Variants in SCAPER observed in about 807,000 individuals in gnomAD.
SCAPER encodes the protein S-phase cyclin A associated protein in the ER.
A neutral mutation model predicts 182.2 loss-of-function variants in SCAPER; 98 were observed. That is an observed-to-expected ratio of 0.54 (90% confidence interval 0.46 to 0.64). The LOEUF (loss-of-function observed/expected upper bound fraction) is 0.64, where lower values mean the gene tolerates loss of function less well. SCAPER is among the 30% of genes least tolerant of loss of function. SCAPER has a pLI of 0.00. For synonymous variants in SCAPER, 605 were observed against 564.6 expected, an observed-to-expected ratio of 1.07 and a Z score of -1.01; for missense variants, 1,432 against 1,690.0, an observed-to-expected ratio of 0.85 and a Z score of 2.68.
chr15:76,507,501 G>A (rs1326335347), intron 23 of SCAPER, among the ~76,000 whole-genome samples: 1 of 152,026 alleles, frequency 6.6e-6, no homozygotes, highest in Non-Finnish European at 1.5e-5. Context: ...GCCTTGAAAC[G>A]CTGAAATACT....
At chr15:76,892,133 G>A (rs1489478873) in intron 1 of SCAPER, among the ~76,000 whole-genome samples, 3 of 152,172 alleles carry the variant, frequency 2.0e-5, no homozygotes, top group African/African-American at 4.8e-5. Flanking sequence ...GCAGAAAGCT[G>A]AAAGTGGACC....
chr15:76,558,533 G>A (rs1291025237), intron 23 of SCAPER, among the ~76,000 whole-genome samples: 1 of 152,182 alleles, frequency 6.6e-6, no homozygotes, highest in African/African-American at 2.4e-5. Flanking sequence ...AACAGATGCT[G>A]GTGAAGTTGT....
At chr15:76,697,821 G>A (rs1472687259) in intron 20 of SCAPER, among the ~76,000 whole-genome samples, 1 of 151,970 alleles carries the variant, frequency 6.6e-6, no homozygotes, top group Non-Finnish European at 1.5e-5. Context: ...TGTATATTTA[G>A]TAGAGACAGG....
intron 14 of SCAPER, among the ~76,000 whole-genome samples, chr15:76,760,134 T>A (rs1462620164): frequency 6.6e-6 from 1 of 152,186 alleles, no homozygotes; most frequent in Non-Finnish European, 1.5e-5. Context: ...TTCAATCCAA[T>A]TCTGACATTA....
chr15:76,458,891 C>CTTAT (rs572920121), intron 25 of SCAPER, among the ~76,000 whole-genome samples: 4 of 151,810 alleles, frequency 2.6e-5, no homozygotes, highest in African/African-American at 4.8e-5. Context: ...ATACGATCAA[C>CTTAT]TTATTTATTT....
In SCAPER at chr15:76,673,608, C is replaced by CACACACAT. The variant is rs140306152; in HGVS notation, c.2509-7827_2509-7820dup. Among the ~76,000 whole-genome samples, 151 of 152,196 alleles carry CACACACAT rather than the reference C, an allele frequency of 9.9e-4. 2 individuals are homozygous for CACACACAT. The highest frequency in any genetic ancestry group is 3.6e-3 in the African/African-American group (148 of 41,562). ...TGCAATGCAGAGGAGGCTGAACAGA[C>CACACACAT]ACACACATATACACGTATTTCATTT... On this transcript the variant is annotated intron_variant, in intron 20 of 31. Coordinates refer to ENST00000563290, the MANE Select transcript of SCAPER (RefSeq NM_020843.4).
At chr15:76,488,138 C>T (rs1430026593) in intron 24 of SCAPER, among the ~76,000 whole-genome samples, 1 of 151,940 alleles carries the variant, frequency 6.6e-6, no homozygotes, top group African/African-American at 2.4e-5. Flanking sequence ...TATAACAGCT[C>T]AAGATAAAAT....
At chr15:76,490,894 T>A (rs1410640029) in intron 24 of SCAPER, among the ~76,000 whole-genome samples, 1 of 152,178 alleles carries the variant, frequency 6.6e-6, no homozygotes, top group Non-Finnish European at 1.5e-5. Context: ...TTGAAGATTA[T>A]CCTTCCTGTG....
intron 20 of SCAPER, among the ~76,000 whole-genome samples, chr15:76,673,256 C>T (rs1048497953): frequency 4.6e-5 from 7 of 151,900 alleles, no homozygotes; most frequent in African/African-American, 1.7e-4. Flanking sequence ...GAGACATGGA[C>T]AAGGACTACT....
Position 76,596,085 on chromosome 15 carries a change from A to C in SCAPER, c.2712-21801T>G, listed in dbSNP as rs186628481. On this transcript the variant is annotated intron_variant, in intron 22 of 31. Transcript: ENST00000563290. ...GCCAGACTAATAAAGAAGAAAAGAGAGAAGAATCAAATAGGCACAATAAAC... is the reference window on the plus strand; with the variant it reads ...GCCAGACTAATAAAGAAGAAAAGAGCGAAGAATCAAATAGGCACAATAAAC... 8.2e-5 allele frequency among the ~76,000 whole-genome samples: 10 copies of C among 121,494 alleles called. 2 individuals are homozygous for C. The highest frequency in any genetic ancestry group is 1.3e-4 in the African/African-American group (5 of 39,834). The allele number at this position is 121,494 out of a possible 152,430, so 79.7% of individuals were successfully genotyped here.
intron 20 of SCAPER, among the ~76,000 whole-genome samples, chr15:76,687,113 T>C (rs1171849261): frequency 1.3e-5 from 2 of 152,168 alleles, no homozygotes; most frequent in Non-Finnish European, 2.9e-5. Flanking sequence ...ATAGCAAATA[T>C]TGATTTTAAA....
intron 17 of SCAPER, among the ~76,000 whole-genome samples, chr15:76,725,911 T>G (rs1420535366): frequency 6.6e-6 from 1 of 150,490 alleles, no homozygotes; most frequent in East Asian, 1.9e-4. Flanking sequence ...GGGAGAAAAC[T>G]TCACAACATT....
rs773511927 is a variant in SCAPER at position 76,800,354 on chromosome 15, A to G, written c.505T>C (p.Leu169=). ...GACATCTTCTTTACTTCCCATGCCAATGATGTTGGTCTGCGAATTCAATAT... is the reference window on the plus strand; with the variant it reads ...GACATCTTCTTTACTTCCCATGCCAGTGATGTTGGTCTGCGAATTCAATAT... The part of the protein sequence containing the change: ...KTDAQSRPTS[L]AWEVKKMSPG... Residue 169 remains leucine (L), a synonymous_variant, in exon 7 of 32, where the codon TTG becomes CTG. Coordinates refer to ENST00000563290, the MANE Select transcript of SCAPER (RefSeq NM_020843.4). The G allele has an allele frequency of 5.0e-6, 8 of 1,606,568 alleles. No individual in the cohort carries two copies. Among genetic ancestry groups the G allele is most frequent in the South Asian group, 2.2e-5 (2 of 90,724 alleles).
intron 8 of SCAPER, among the ~76,000 whole-genome samples, chr15:76,785,183 A>G (rs2064488102): frequency 6.6e-6 from 1 of 152,244 alleles, no homozygotes; most frequent in East Asian, 1.9e-4. Flanking sequence ...CAAATTTACA[A>G]GAAAAAAACA....
chr15:76,507,812 T>A (rs886829336), intron 23 of SCAPER, among the ~76,000 whole-genome samples: 4 of 152,186 alleles, frequency 2.6e-5, no homozygotes, highest in African/African-American at 9.6e-5. Flanking sequence ...GCAATAAAAC[T>A]AACAATCAAA....
intron 25 of SCAPER, among the ~76,000 whole-genome samples, chr15:76,441,421 G>A (rs1009561145): frequency 5.3e-5 from 8 of 152,036 alleles, no homozygotes; most frequent in South Asian, 2.1e-4. Context: ...AAAAGTCTTC[G>A]TTATACATGT....
chr15:76,844,473 A>G (rs1263105179), intron 4 of SCAPER, among the ~76,000 whole-genome samples: 1 of 152,120 alleles, frequency 6.6e-6, no homozygotes. Flanking sequence ...TCAGATTAAG[A>G]AGCTCTCCAA....
intron 17 of SCAPER, among the ~76,000 whole-genome samples, chr15:76,715,057 A>G (rs1361051484): frequency 6.6e-6 from 1 of 152,070 alleles, no homozygotes; most frequent in Admixed American, 6.6e-5. Flanking sequence ...GCTACTACAG[A>G]GGTGTTGAAT....
chr15:76,878,761 C>G (rs2073348590), intron 2 of SCAPER, among the ~76,000 whole-genome samples: 1 of 151,486 alleles, frequency 6.6e-6, no homozygotes, highest in African/African-American at 2.4e-5. Flanking sequence ...GATTCTGTCT[C>G]TATTTAAAAA....
Sources: gnomAD v4.1 joint callset for allele counts (sites outside exome capture counted in the v4.1 genomes callset) on GRCh38, gnomAD v4.1.1 for gene constraint, MANE v1.5 for transcripts, NCBI Gene and HGNC (gene_info 2026-07-23, HGNC 2026-07-21) for gene names.